CAMKMT: variants seen among roughly 807,000 people sequenced by gnomAD.
CAMKMT encodes the protein calmodulin-lysine N-methyltransferase, also known as CaM KMT.
CAMKMT carries 53 observed loss-of-function variants against 48.0 expected under a neutral mutation model. That is an observed-to-expected ratio of 1.10 (90% CI 0.89 to 1.39). The LOEUF is 1.39. Ranked by LOEUF, CAMKMT falls within the 40% of genes most tolerant of loss-of-function variation. CAMKMT has a pLI of 0.00. For missense variants in CAMKMT, 428 were observed against 402.7 expected, an observed-to-expected ratio of 1.06 and a Z score of -0.54; for synonymous variants, 165 against 152.3, an observed-to-expected ratio of 1.08 and a Z score of -0.61.
chr2:44,365,042 A>C (rs958129383), intron 1 of CAMKMT, among the ~76,000 whole-genome samples: 3 of 152,238 alleles, frequency 2.0e-5, no homozygotes, highest in Non-Finnish European at 4.4e-5. Context: ...AATCGATCAC[A>C]TATATTAAAC....
intron 3 of CAMKMT, among the ~76,000 whole-genome samples, chr2:44,578,273 A>T (rs1476055829): frequency 1.3e-5 from 2 of 152,254 alleles, no homozygotes; most frequent in Admixed American, 1.3e-4. Flanking sequence ...ACCATTTATT[A>T]AAGAAAATAC....
chr2:44,528,949 T>C (rs1471385113), intron 3 of CAMKMT, among the ~76,000 whole-genome samples: 1 of 152,200 alleles, frequency 6.6e-6, no homozygotes, highest in Admixed American at 6.5e-5. Flanking sequence ...TTTGTCTATT[T>C]TATGATGTTA....
intron 3 of CAMKMT, among the ~76,000 whole-genome samples, chr2:44,468,082 G>T (rs1456575777): frequency 1.3e-5 from 2 of 152,170 alleles, no homozygotes; most frequent in African/African-American, 4.8e-5. Context: ...GGAAGAATGG[G>T]AGACAATATT....
intron 3 of CAMKMT, among the ~76,000 whole-genome samples, chr2:44,668,992 A>G (rs1390150256): frequency 6.6e-6 from 1 of 152,148 alleles, no homozygotes; most frequent in African/African-American, 2.4e-5. Context: ...CATGTTGGCC[A>G]GGCTGGTCTT....
rs910352922 is a variant in CAMKMT at position 44,434,215 on chromosome 2, G to T, written c.376+43910G>T. Among the ~76,000 whole-genome samples, 28 of 132,890 alleles carry T rather than the reference G, an allele frequency of 2.1e-4. 1 individual carries two copies. The highest frequency in any genetic ancestry group is 1.8e-3 in the Admixed American group (22 of 12,304). The allele number at this position is 132,890 out of a possible 152,430, so 87.2% of individuals were successfully genotyped here. ...AGTATTCAACTGTGGGCTGCTGTAC[G>T]TTTGTGAGGGATTTTTTTTTTTTTG... On this transcript the variant is annotated intron_variant, in intron 3 of 10. Transcript: ENST00000378494.
At chr2:44,513,773 C>G (rs892726527) in intron 3 of CAMKMT, among the ~76,000 whole-genome samples, 2 of 152,070 alleles carry the variant, frequency 1.3e-5, no homozygotes, top group Non-Finnish European at 2.9e-5. Context: ...GCAGACATTT[C>G]CCCCAACTTC....
In CAMKMT at chr2:44,372,737, G is replaced by A. The variant is rs772090739; in HGVS notation, c.160G>A (p.Asp54Asn). 6.2e-7 allele frequency: 1 copy of A among 1,613,144 alleles called. No homozygotes were observed. Among genetic ancestry groups the A allele is most frequent in the East Asian group, 2.2e-5 (1 of 44,818 alleles). ...AAAGGTTCTGAAGCAAAAACACCTG[G>A]ATGATTGCCTGCGACATGTATCTGT... is the stretch of plus-strand genomic sequence containing the variant. The part of the protein sequence containing the change: ...LRQVLKQKHL[D>N]DCLRHVSVRR... The change falls in exon 2 of 11, where the codon GAT becomes AAT. Residue 54 changes from aspartate (D) to asparagine (N), a missense_variant. Asp to Asn is a conservative substitution (Grantham distance 23). Coordinates refer to ENST00000378494, the MANE Select transcript of CAMKMT (RefSeq NM_024766.5).
chr2:44,572,721 T>A (rs934489475), intron 3 of CAMKMT, among the ~76,000 whole-genome samples: 1 of 152,168 alleles, frequency 6.6e-6, no homozygotes, highest in African/African-American at 2.4e-5. Context: ...TGTTGGCTGT[T>A]ATGAGTAACG....
At chr2:44,384,620 C>T (rs1047403583) in intron 2 of CAMKMT, among the ~76,000 whole-genome samples, 4 of 146,926 alleles carry the variant, frequency 2.7e-5, no homozygotes, top group African/African-American at 1.0e-4. Flanking sequence ...AGTTTCAGGT[C>T]TTAGATTTAA....
At chr2:44,548,228 C>T (rs1051439399) in intron 3 of CAMKMT, among the ~76,000 whole-genome samples, 2 of 152,192 alleles carry the variant, frequency 1.3e-5, no homozygotes, top group African/African-American at 4.8e-5. Context: ...CCTCCTGCCT[C>T]ATTCCTGACT....
intron 3 of CAMKMT, among the ~76,000 whole-genome samples, chr2:44,692,797 G>A (rs1266395106): frequency 1.3e-5 from 2 of 152,126 alleles, no homozygotes; most frequent in African/African-American, 4.8e-5. Context: ...TGAGGTTACT[G>A]AAGCTCAGAA....
intron 3 of CAMKMT, among the ~76,000 whole-genome samples, chr2:44,448,358 A>T (rs1363256694): frequency 1.3e-5 from 2 of 152,340 alleles, no homozygotes; most frequent in Admixed American, 6.5e-5. Context: ...ATTGCATGAT[A>T]AATATCCACT....
At chr2:44,384,691 C>T (rs762474896) in intron 2 of CAMKMT, among the ~76,000 whole-genome samples, 15 of 152,014 alleles carry the variant, frequency 9.9e-5, no homozygotes, top group Admixed American at 3.3e-4. Context: ...GTTTCATTCT[C>T]TGCATATAGC....
Position 44,411,979 on chromosome 2 carries a change from A to AT in CAMKMT, c.376+21705dup, listed in dbSNP as rs541645446. Among the ~76,000 whole-genome samples the AT allele has an allele frequency of 1.6e-3, 148 of 91,828 alleles. 2 individuals carry two copies. Among genetic ancestry groups the AT allele is most frequent in the African/African-American group, 3.5e-3 (80 of 23,106 alleles). 60.2% of individuals were successfully genotyped at this position (91,828 alleles called of 152,430 possible). A position where few individuals can be genotyped will look rare whatever the true frequency, so the allele number is the denominator to read the frequency against. On this transcript the variant is annotated intron_variant, in intron 3 of 10. Coordinates refer to ENST00000378494, the MANE Select transcript of CAMKMT (RefSeq NM_024766.5). ...ATATGTAACATGAACATTCTCTTCAATTTTTTTTTTTTTTTTTTTTTTTTT... is the reference window on the plus strand; with the variant it reads ...ATATGTAACATGAACATTCTCTTCAATTTTTTTTTTTTTTTTTTTTTTTTTT...
chr2:44,592,408 A>G (rs1208120352), intron 3 of CAMKMT, among the ~76,000 whole-genome samples: 1 of 152,060 alleles, frequency 6.6e-6, no homozygotes, highest in Non-Finnish European at 1.5e-5. Flanking sequence ...TTTACCATCT[A>G]TAGAATCTAT....
At position 44,657,594 on chromosome 2, in the gene CAMKMT, T is replaced by G. The variant is rs1224111096; in HGVS notation, c.377-46689T>G. Among the ~76,000 whole-genome samples, 1 of 152,192 alleles carries G rather than the reference T, an allele frequency of 6.6e-6. No homozygotes were observed. Among genetic ancestry groups the G allele is most frequent in the African/African-American group, 2.4e-5 (1 of 41,442 alleles). The stretch of plus-strand genomic sequence containing the variant: ...GGACATAGAACTTTTTTCGGAACAA[T>G]TCATGTCCCTGACTACAAGTGTTCC... On this transcript the variant is annotated intron_variant, in intron 3 of 10. Transcript: ENST00000378494. This position sits in a 1 kb window ranked among gnomAD's most constrained non-coding sequence, Gnocchi z 4.3.
chr2:44,537,581 C>A (rs1051111496), intron 3 of CAMKMT, among the ~76,000 whole-genome samples: 4 of 151,128 alleles, frequency 2.6e-5, no homozygotes, highest in African/African-American at 7.3e-5. Context: ...TTCTTTCTTT[C>A]TGAGACAGGA....
chr2:44,625,250 A>G (rs1025879831), intron 3 of CAMKMT, among the ~76,000 whole-genome samples: 1 of 152,110 alleles, frequency 6.6e-6, no homozygotes, highest in African/African-American at 2.4e-5. Flanking sequence ...ATGATTGCTG[A>G]TGTTGAATTT....
At chr2:44,439,819 A>T (rs1398417214) in intron 3 of CAMKMT, among the ~76,000 whole-genome samples, 1 of 142,676 alleles carries the variant, frequency 7.0e-6, no homozygotes, top group Non-Finnish European at 1.5e-5. Flanking sequence ...ATAAATAAAT[A>T]AATAAATAAG....
Sources: gnomAD v4.1 joint callset for allele counts (sites outside exome capture counted in the v4.1 genomes callset) on GRCh38, gnomAD v4.1.1 for gene constraint, Gnocchi (gnomAD v3.1) non-coding constraint, MANE v1.5 for transcripts, NCBI Gene and HGNC (gene_info 2026-07-23, HGNC 2026-07-21) for gene names.